AMMECR1: variants seen among roughly 807,000 people sequenced by gnomAD.
The protein encoded by AMMECR1 is AMMECR nuclear protein 1, also known as nuclear protein AMMECR1.
Under a neutral mutation model 22.5 loss-of-function variants are expected in AMMECR1, and 3 were observed. The observed-to-expected ratio is 0.13, with a 90% CI of 0.06 to 0.35. The LOEUF (loss-of-function observed/expected upper bound fraction) is 0.35, where lower values mean the gene tolerates loss of function less well. AMMECR1 is among the 10% of genes least tolerant of loss of function. AMMECR1 has a pLI of 1.00. For synonymous variants in AMMECR1, 130 were observed against 116.7 expected, an observed-to-expected ratio of 1.11 and a Z score of -0.74; for missense variants, 235 against 278.7, an observed-to-expected ratio of 0.84 and a Z score of 1.12.
At chrX:110,241,416 C>CA (rs2067631785) in intron 2 of AMMECR1, among the ~76,000 whole-genome samples, 2 of 111,834 alleles carry the variant, frequency 1.8e-5, no homozygotes, top group African/African-American at 6.5e-5. Context: ...CCACTTATCT[C>CA]ACAGAAATAC....
chrX:110,288,784 T>G (rs2067893673), intron 1 of AMMECR1, among the ~76,000 whole-genome samples: 1 of 112,229 alleles, frequency 8.9e-6, no homozygotes, highest in Non-Finnish European at 1.9e-5. Context: ...GAGTCCACCC[T>G]GGACTAAACT....
chrX:110,347,939 C>A (rs930769857), intron 2 of AMMECR1, among the ~76,000 whole-genome samples: 2 of 112,506 alleles, frequency 1.8e-5, no homozygotes, highest in African/African-American at 3.2e-5. Context: ...CTGACACTTC[C>A]ATTAGTAGCA....
intron 1 of AMMECR1, among the ~76,000 whole-genome samples, chrX:110,308,706 A>C (rs1029441765): frequency 1.8e-5 from 2 of 111,344 alleles, no homozygotes; most frequent in Non-Finnish European, 3.8e-5. Context: ...GTACCCAGCC[A>C]AGCTAGTGGC....
chrX:110,371,378 A>AT (rs1176422461), intron 2 of AMMECR1, among the ~76,000 whole-genome samples: 2 of 112,108 alleles, frequency 1.8e-5, no homozygotes, highest in Non-Finnish European at 3.8e-5. Flanking sequence ...ACCCTCAAGC[A>AT]TTTACTCACT....
intron 2 of AMMECR1, among the ~76,000 whole-genome samples, chrX:110,252,179 A>G (rs1159523698): frequency 9.0e-6 from 1 of 111,667 alleles, no homozygotes; most frequent in Non-Finnish European, 1.9e-5. Context: ...CTTGGGTCAC[A>G]AAGCTAAGAA....
At chrX:110,426,578 CG>C (rs1354969800) in intron 2 of AMMECR1, 9 of 112,155 alleles carry the variant, frequency 8.0e-5, no homozygotes, top group African/African-American at 2.6e-4. Flanking sequence ...TGAGACATGG[CG>C]TCTGAATATT....
chrX:110,347,528 G>A (rs766019554), intron 2 of AMMECR1, among the ~76,000 whole-genome samples: 4 of 112,716 alleles, frequency 3.5e-5, no homozygotes, highest in Non-Finnish European at 5.6e-5. Context: ...AATGTGAACA[G>A]ATCTTTTCTG....
intron 1 of AMMECR1, among the ~76,000 whole-genome samples, chrX:110,308,610 A>G (rs753119392): frequency 9.0e-6 from 1 of 111,244 alleles, no homozygotes; most frequent in Non-Finnish European, 1.9e-5. Flanking sequence ...GTGGGGGTAG[A>G]TGGATCTGTG....
intron 2 of AMMECR1, among the ~76,000 whole-genome samples, chrX:110,381,717 C>T (rs2068420930): frequency 9.0e-6 from 1 of 111,229 alleles, no homozygotes; most frequent in African/African-American, 3.3e-5. Context: ...TGTACACGTA[C>T]ACCATGGAAT....
At chrX:110,248,884 T>C (rs1344813729) in intron 2 of AMMECR1, among the ~76,000 whole-genome samples, 3 of 112,333 alleles carry the variant, frequency 2.7e-5, no homozygotes, top group Non-Finnish European at 5.6e-5. Flanking sequence ...GTATTCCATG[T>C]AAATGTACTG....
intron 2 of AMMECR1, among the ~76,000 whole-genome samples, chrX:110,422,070 G>A (rs1315419146): frequency 1.8e-5 from 2 of 113,195 alleles, no homozygotes; most frequent in Non-Finnish European, 3.7e-5. Context: ...TCTGGAAAAT[G>A]GGGCTCTGGC....
intron 3 of AMMECR1, among the ~76,000 whole-genome samples, chrX:110,203,305 T>G (rs1046707156): frequency 6.3e-5 from 7 of 111,900 alleles, no homozygotes; most frequent in African/African-American, 2.3e-4. Flanking sequence ...CTTGTGGTGA[T>G]GCCCTTAAAA....
chrX:110,316,640 C>A (rs1226560429), intron 1 of AMMECR1, among the ~76,000 whole-genome samples: 1 of 109,814 alleles, frequency 9.1e-6, no homozygotes, highest in African/African-American at 3.3e-5. Context: ...TTAGAATTAA[C>A]CTGGCTTTTA....
intron 2 of AMMECR1, among the ~76,000 whole-genome samples, chrX:110,362,730 G>A (rs2068272551): frequency 8.9e-6 from 1 of 111,773 alleles, no homozygotes; most frequent in African/African-American, 3.2e-5. Context: ...ATCTCTTACA[G>A]GCACTAAAGA....
chrX:110,414,392 A>T (rs1031480281), intron 2 of AMMECR1, among the ~76,000 whole-genome samples: 7 of 112,485 alleles, frequency 6.2e-5, no homozygotes, highest in African/African-American at 1.9e-4. Flanking sequence ...GCCAGCCTTT[A>T]AGAAAGGGTG....
intron 2 of AMMECR1, among the ~76,000 whole-genome samples, chrX:110,362,992 G>GA (rs1485119133): frequency 8.9e-6 from 1 of 112,147 alleles, no homozygotes; most frequent in Admixed American, 9.5e-5. Flanking sequence ...ACAACCAGCA[G>GA]AAAAGGAAGC....
intron 2 of AMMECR1, among the ~76,000 whole-genome samples, chrX:110,224,510 G>A (rs957575739): frequency 1.8e-5 from 2 of 108,467 alleles, no homozygotes; most frequent in Non-Finnish European, 3.8e-5. Flanking sequence ...CAGAGTTACA[G>A]GGAGTTTTAC....
chrX:110,384,017 A>T (rs1254492715), intron 2 of AMMECR1, among the ~76,000 whole-genome samples: 1 of 112,137 alleles, frequency 8.9e-6, no homozygotes, highest in African/African-American at 3.2e-5. Flanking sequence ...AACCTGACAC[A>T]TTGCAAATGT....
rs772591570 is a variant in AMMECR1 at position 110,353,886 on chromosome X, A to G, written c.-147-36037T>C. Among the ~76,000 whole-genome samples, 10 of 112,052 alleles carry G rather than the reference A, an allele frequency of 8.9e-5. No homozygotes were observed. In the South Asian group the frequency reaches 3.7e-3, roughly 41 times the overall value. On this transcript the variant is annotated intron_variant, in intron 2 of 7. Transcript: ENST00000372057. ...TGTTTCTATATACTAACAATGAACT[A>G]TCTAAAAAAGAAATTAAGAAAATCC...
Sources: gnomAD v4.1 joint callset for allele counts (sites outside exome capture counted in the v4.1 genomes callset) on GRCh38, gnomAD v4.1.1 for gene constraint, MANE v1.5 for transcripts, NCBI Gene and HGNC (gene_info 2026-07-23, HGNC 2026-07-21) for gene names.